Variants in AGPAT5 observed in about 807,000 individuals in gnomAD.
The protein encoded by AGPAT5 is 1-acylglycerol-3-phosphate O-acyltransferase 5, also known as 1-acyl-sn-glycerol-3-phosphate acyltransferase epsilon.
AGPAT5 carries 46 observed loss-of-function variants against 45.6 expected under a neutral mutation model. The ratio of observed to expected loss-of-function variants is 1.01; its 90% confidence interval spans 0.80 to 1.29. The LOEUF (loss-of-function observed/expected upper bound fraction) is 1.29, where lower values mean the gene tolerates loss of function less well. AGPAT5 is among the 50% of genes most tolerant of loss of function. The probability of loss-of-function intolerance (pLI) is 0.00; values close to 1 mark genes in which losing one functional copy is unlikely to be tolerated. For synonymous variants in AGPAT5, 272 were observed against 167.0 expected, an observed-to-expected ratio of 1.63 and a Z score of -4.85; for missense variants, 673 against 450.7, an observed-to-expected ratio of 1.49 and a Z score of -4.47.
chr8:6,716,493 A>C (rs1216885320), intron 1 of AGPAT5, among the ~76,000 whole-genome samples: 1 of 151,946 alleles, frequency 6.6e-6, no homozygotes, highest in African/African-American at 2.4e-5. Context: ...CATGGGAGGT[A>C]GAGGCTCCAG....
chr8:6,732,115 C>T (rs145772450), intron 3 of AGPAT5, among the ~76,000 whole-genome samples: 6 of 152,248 alleles, frequency 3.9e-5, no homozygotes, highest in African/African-American at 1.2e-4. Context: ...CACTTCTGTC[C>T]GTAACAGTGC....
intron 1 of AGPAT5, among the ~76,000 whole-genome samples, chr8:6,714,865 C>G (rs1237691317): frequency 5.9e-5 from 9 of 152,212 alleles, no homozygotes; most frequent in Non-Finnish European, 5.9e-5. Flanking sequence ...AGTTTACTTT[C>G]CCTCTTTTGT....
At chr8:6,718,752 G>C (rs1559748) in intron 1 of AGPAT5, among the ~76,000 whole-genome samples, 114,935 of 152,162 alleles carry the variant, frequency 0.76, 44,674 homozygotes, top group African/African-American at 0.94. Flanking sequence ...AACTTGGAGA[G>C]TACAGTCAGT....
intron 3 of AGPAT5, 63 bp from the exon 4 acceptor site, chr8:6,732,498 G>C (rs1287970706): frequency 2.9e-6 from 4 of 1,369,716 alleles, no homozygotes; most frequent in South Asian, 3.0e-5. Context: ...TTGCCTTTTT[G>C]ATGACTCTGG....
At position 6,735,848 on chromosome 8, in the gene AGPAT5, C is replaced by CTTTTTTT. The variant is rs1563295313; in HGVS notation, c.495+3198_495+3199insTTTTTTT. ...GTGTTCCTGTTTATTCTTTATATAG[C>CTTTTTTT]CTTTTTTTTTTTTTTTTTTTTTTTG... is the stretch of plus-strand genomic sequence containing the variant. On this transcript the variant is annotated intron_variant, in intron 4 of 7. Transcript: ENST00000285518. Among the ~76,000 whole-genome samples, 350 of 53,606 alleles carry CTTTTTTT rather than the reference C, an allele frequency of 6.5e-3. 23 individuals are homozygous for CTTTTTTT. Among genetic ancestry groups the CTTTTTTT allele is most frequent in the Non-Finnish European group, 7.5e-3 (192 of 25,730 alleles). 35.2% of individuals were successfully genotyped at this position (53,606 alleles called of 152,430 possible).
intron 6 of AGPAT5, among the ~76,000 whole-genome samples, chr8:6,750,591 TA>T (rs1378907396): frequency 6.6e-6 from 1 of 152,228 alleles, no homozygotes; most frequent in African/African-American, 2.4e-5. Context: ...CCTTCTTGCG[TA>T]AAGTGCACTT....
At position 6,752,500 on chromosome 8, in the gene AGPAT5, T is replaced by A. The variant is rs186837335; in HGVS notation, c.746-2551T>A. ...GGCTATATAGTGTTCATTGATGTGA[T>A]TTAACAGCAGTTATCTCCCCGGCTT... On this transcript the variant is annotated intron_variant, in intron 6 of 7. Transcript: ENST00000285518. Among the ~76,000 whole-genome samples, 8 of 152,304 alleles carry A rather than the reference T, an allele frequency of 5.3e-5. No individual in the cohort carries two copies. The East Asian group carries it at 1.5e-3, about 29-fold the overall frequency.
chr8:6,757,358 T>C lies in AGPAT5; in HGVS notation c.1065T>C (p.Leu355=). ...ACACCTGGATATATGGAACCCTACT[T>C]GGCTGCCTGTGGGTTACTATTAAAG... The part of the protein sequence containing the change: ...YVNTWIYGTL[L]GCLWVTIKA Residue 355 remains leucine (L), a synonymous_variant, in exon 8 of 8, where the codon CTT becomes CTC. Transcript: ENST00000285518. 1 of 1,614,204 alleles carries C rather than the reference T, an allele frequency of 6.2e-7. No individual in the cohort carries two copies.
In AGPAT5 at chr8:6,758,764, C is replaced by T. The variant is rs1801930266; in HGVS notation, c.*1376C>T. 1 of 152,642 alleles carries T rather than the reference C, an allele frequency of 6.6e-6. No homozygotes were observed. The highest frequency in any genetic ancestry group is 1.5e-5 in the Non-Finnish European group (1 of 68,046). 9.5% of individuals were successfully genotyped at this position (152,642 alleles called of 1,614,324 possible). ...ATATATCCCATGGGAGAAGACCTTTCAGTGTGAACTGTTCTATTTTTGTGT... is the reference window on the plus strand; with the variant it reads ...ATATATCCCATGGGAGAAGACCTTTTAGTGTGAACTGTTCTATTTTTGTGT... On this transcript the variant is annotated 3_prime_UTR_variant, in exon 8 of 8. Coordinates refer to ENST00000285518, the MANE Select transcript of AGPAT5 (RefSeq NM_018361.5).
chr8:6,712,560 C>T (rs1379881413), intron 1 of AGPAT5, among the ~76,000 whole-genome samples: 2 of 151,878 alleles, frequency 1.3e-5, no homozygotes, highest in Non-Finnish European at 2.9e-5. Flanking sequence ...AGTAAGAGGC[C>T]GTATATATAT....
intron 1 of AGPAT5, among the ~76,000 whole-genome samples, chr8:6,718,509 C>T (rs1800404695): frequency 1.2e-5 from 1 of 85,072 alleles, no homozygotes; most frequent in African/African-American, 6.0e-5. Context: ...TTCTGGAAAA[C>T]ACTGTGTAAG....
intron 6 of AGPAT5, among the ~76,000 whole-genome samples, chr8:6,748,808 G>T (rs746158443): frequency 6.6e-6 from 1 of 152,172 alleles, no homozygotes; most frequent in Non-Finnish European, 1.5e-5. Context: ...TTGGGGTTGA[G>T]CCACTATGTA....
At chr8:6,754,412 C>A (rs766027762) in intron 6 of AGPAT5, among the ~76,000 whole-genome samples, 4 of 152,082 alleles carry the variant, frequency 2.6e-5, no homozygotes, top group Non-Finnish European at 5.9e-5. Context: ...TGATTAGAAA[C>A]CAATGGCCAA....
intron 6 of AGPAT5, among the ~76,000 whole-genome samples, chr8:6,748,820 G>A (rs1801562563): frequency 1.3e-5 from 2 of 152,172 alleles, no homozygotes; most frequent in South Asian, 4.1e-4. Flanking sequence ...CACTATGTAT[G>A]TCAGTGTGCT....
rs576892014 is a variant in AGPAT5 at position 6,759,073 on chromosome 8, C to A, written c.*1685C>A. On this transcript the variant is annotated 3_prime_UTR_variant, in exon 8 of 8. Coordinates refer to ENST00000285518, the MANE Select transcript of AGPAT5 (RefSeq NM_018361.5). ...ATGTATGCACACATCCATGGACACT[C>A]AGGATATAGTTGGCCTAATAATCGG... is the stretch of plus-strand genomic sequence containing the variant. 22 of 152,166 alleles carry A rather than the reference C, an allele frequency of 1.4e-4. No individual in the cohort carries two copies. Among genetic ancestry groups the A allele is most frequent in the Admixed American group, 1.4e-3 (22 of 15,276 alleles). The allele number at this position is 152,166 out of a possible 1,614,324, so 9.4% of individuals were successfully genotyped here. A position where few individuals can be genotyped will look rare whatever the true frequency, so the allele number is the denominator to read the frequency against.
At chr8:6,730,675 C>T (rs774332640) in intron 2 of AGPAT5, 36 bp from the exon 3 acceptor site, 4 of 1,421,602 alleles carry the variant, frequency 2.8e-6, no homozygotes, top group Non-Finnish European at 4.0e-6. Flanking sequence ...CTGTGAAGAG[C>T]CTCATGTACG....
Position 6,753,831 on chromosome 8 carries a change from AAGTGTGTAAGAATAC to A in AGPAT5, c.746-1217_746-1203del, listed in dbSNP as rs768990922. 1.9e-3 allele frequency among the ~76,000 whole-genome samples: 289 copies of A among 152,308 alleles called. 1 individual carries two copies. Among genetic ancestry groups the A allele is most frequent in the Non-Finnish European group, 3.4e-3 (233 of 68,024 alleles). ...ATTATTAAAGCCAGTTTACTCCTGG[AAGTGTGTAAGAATAC>A]AGGGTATTTTTGATCACCTAAATGC... On this transcript the variant is annotated intron_variant, in intron 6 of 7. Coordinates refer to ENST00000285518, the MANE Select transcript of AGPAT5 (RefSeq NM_018361.5).
intron 1 of AGPAT5, among the ~76,000 whole-genome samples, chr8:6,714,861 C>G (rs1800269224): frequency 6.6e-6 from 1 of 152,068 alleles, no homozygotes; most frequent in African/African-American, 2.4e-5. Context: ...ACCTAGTTTA[C>G]TTTCCCTCTT....
chr8:6,751,358 A>T (rs1801649342), intron 6 of AGPAT5, among the ~76,000 whole-genome samples: 1 of 152,190 alleles, frequency 6.6e-6, no homozygotes, highest in Admixed American at 6.5e-5. Flanking sequence ...TTCTCAAAGC[A>T]TTCTGGGGGA....
Sources: allele counts gnomAD v4.1 joint callset (sites outside exome capture counted in the v4.1 genomes callset), GRCh38; gene constraint gnomAD v4.1.1; transcripts MANE v1.5; gene names NCBI Gene and HGNC (gene_info 2026-07-23, HGNC 2026-07-21).